Variants in LRR1 observed in about 807,000 individuals in gnomAD.
The protein encoded by LRR1 is leucine-rich repeat protein 1.
In LRR1, 29 loss-of-function variants were observed where a neutral mutation model predicts 31.6. That is an observed-to-expected ratio of 0.92 (90% CI 0.68 to 1.25). The LOEUF is 1.25. Among genes scored for constraint, LRR1 ranks in the 50% most tolerant of loss-of-function variants. LRR1 has a pLI of 0.00. For missense variants in LRR1, 485 were observed against 487.2 expected, an observed-to-expected ratio of 1.00 and a Z score of 0.04; for synonymous variants, 179 against 181.4, an observed-to-expected ratio of 0.99 and a Z score of 0.10.
intron 3 of LRR1, chr14:49,612,411 A>G (rs898265152): frequency 1.8e-6 from 2 of 1,125,950 alleles, no homozygotes; most frequent in African/African-American, 3.3e-5. Flanking sequence ...AATATGTGGG[A>G]ATTTAAGTTA....
At chr14:49,613,203 G>T (rs1882577071) in intron 3 of LRR1, among the ~76,000 whole-genome samples, 1 of 152,090 alleles carries the variant, frequency 6.6e-6, no homozygotes, top group African/African-American at 2.4e-5. Context: ...GCCAGGCGTG[G>T]TGGCGGGCAC....
In LRR1 at chr14:49,598,994, T is replaced by G; in HGVS notation, c.-27T>G. On this transcript the variant is annotated 5_prime_UTR_variant, in exon 1 of 4. Coordinates refer to ENST00000298288, the MANE Select transcript of LRR1 (RefSeq NM_152329.4). ...GGAAGGAGGAAGTTTCAAAGCCAGC[T>G]TGACGTGGTTGTGGCCGTTGGGCGA... The G allele has an allele frequency of 6.3e-7, 1 of 1,588,948 alleles. No individual in the cohort carries two copies. The highest frequency in any genetic ancestry group is 8.6e-7 in the Non-Finnish European group (1 of 1,166,452).
rs1297883794 is a variant in LRR1 at position 49,608,072 on chromosome 14, G to T, written c.955G>T (p.Ala319Ser). 6.2e-7 allele frequency: 1 copy of T among 1,606,558 alleles called. No individual in the cohort carries two copies. Among genetic ancestry groups the T allele is most frequent in the South Asian group, 1.1e-5 (1 of 90,154 alleles). The part of the protein sequence containing the change: ...PKVLPVIKLQ[A>S]PLTLLESSAR... ...AGTCCTTCCAGTAATAAAGCTGCAA[G>T]CACCATTAACTTTATTGGAATCTTC... Residue 319 changes from alanine to serine, a missense_variant, in exon 3 of 4, where the codon GCA becomes TCA. Physicochemically the swap from Ala to Ser is moderately conservative, Grantham distance 99. Around this residue, in one of 3 missense-constraint regions of LRR1, gnomAD observed 210 missense variants for 200.4 expected, o/e 1.05. Transcript: ENST00000298288.
At chr14:49,602,954 G>A (rs1457209404) in intron 2 of LRR1, among the ~76,000 whole-genome samples, 1 of 151,764 alleles carries the variant, frequency 6.6e-6, no homozygotes, top group Non-Finnish European at 1.5e-5. Flanking sequence ...TCCTGCCTCA[G>A]CCTCCCGAGT....
intron 2 of LRR1, chr14:49,603,502 T>A: frequency 2.4e-6 from 1 of 423,672 alleles, no homozygotes; most frequent in Non-Finnish European, 3.4e-6. Context: ...TTATTTACTG[T>A]AATCATTCTT....
intron 1 of LRR1, chr14:49,600,367 T>G: frequency 6.3e-7 from 1 of 1,587,136 alleles, no homozygotes; most frequent in South Asian, 1.1e-5. Context: ...CAGATTGATC[T>G]CCGAGATGAC....
Position 49,607,932 on chromosome 14 carries a change from T to G in LRR1, c.815T>G (p.Ile272Arg). The G allele has an allele frequency of 6.2e-7, 1 of 1,614,088 alleles. No homozygotes were observed. The highest frequency in any genetic ancestry group is 1.3e-5 in the African/African-American group (1 of 75,054). The change falls in exon 3 of 4, where the codon ATA becomes AGA. Residue 272 changes from isoleucine (I) to arginine (R), a missense_variant. By Grantham distance (97) the Ile-to-Arg change is moderately conservative. Around this residue, in one of 3 missense-constraint regions of LRR1, gnomAD observed 210 missense variants for 200.4 expected, o/e 1.05. Coordinates refer to ENST00000298288, the MANE Select transcript of LRR1 (RefSeq NM_152329.4). ...TTTCCTTGCAAGATAGGACAACTAA[T>G]AAACCTTCGCTTTTTGTCAGCAGCT... ...IQFPCKIGQLINLRFLSAARN... is the reference protein window; with the variant it reads ...IQFPCKIGQLRNLRFLSAARN...
At chr14:49,603,504 A>T in intron 2 of LRR1, 3 of 405,716 alleles carry the variant, frequency 7.4e-6, no homozygotes, top group Non-Finnish European at 1.1e-5. Context: ...ATTTACTGTA[A>T]TCATTCTTTC....
chr14:49,605,031 G>A (rs1882230461), intron 2 of LRR1, among the ~76,000 whole-genome samples: 1 of 151,982 alleles, frequency 6.6e-6, no homozygotes, highest in African/African-American at 2.4e-5. Context: ...AAGTAACTGG[G>A]ACTATAGGGG....
At position 49,600,706 on chromosome 14, in the gene LRR1, G is replaced by A. The variant is rs185973679; in HGVS notation, c.183+1503G>A. 8.8e-4 allele frequency: 977 copies of A among 1,104,108 alleles called. 3 individuals are homozygous for A. In the African/African-American group the frequency reaches 0.014, roughly 16 times the overall value. The allele number at this position is 1,104,108 out of a possible 1,614,324, so 68.4% of individuals were successfully genotyped here. ...ACCCAGACCTTTTATAGGTAATGAA[G>A]CAGTTCAAAACTTGAAAGAAAACAA... On this transcript the variant is annotated intron_variant, in intron 1 of 3. Transcript: ENST00000298288.
chr14:49,603,472 A>T, intron 2 of LRR1: 2 of 348,954 alleles, frequency 5.7e-6, no homozygotes, highest in Non-Finnish European at 8.5e-6. Flanking sequence ...GAAAAAATTC[A>T]ATTAGAACCA....
chr14:49,610,162 G>A (rs994205792), intron 3 of LRR1, among the ~76,000 whole-genome samples: 2 of 152,088 alleles, frequency 1.3e-5, no homozygotes, highest in South Asian at 2.1e-4. Flanking sequence ...GTAGGATTCA[G>A]TAGCTGTTGG....
intron 3 of LRR1, among the ~76,000 whole-genome samples, chr14:49,608,868 C>T (rs1469894441): frequency 6.8e-6 from 1 of 146,408 alleles, no homozygotes; most frequent in Non-Finnish European, 1.5e-5. Flanking sequence ...GATTTGATTC[C>T]TGGCTTCACC....
At chr14:49,599,595 T>C (rs563905082) in intron 1 of LRR1, among the ~76,000 whole-genome samples, 22 of 151,628 alleles carry the variant, frequency 1.5e-4, no homozygotes, top group Non-Finnish European at 2.7e-4. Flanking sequence ...GTGAATTCTT[T>C]CTCCCACAAT....
chr14:49,600,188 C>T lies in LRR1; in HGVS notation c.183+985C>T, dbSNP rs1881998850. ...ACCTCCTAGGACTCTATAACACCGCCGGACAGGAAGACTATGACCATCTGA... is the reference window on the plus strand; with the variant it reads ...ACCTCCTAGGACTCTATAACACCGCTGGACAGGAAGACTATGACCATCTGA... On this transcript the variant is annotated intron_variant, in intron 1 of 3. Transcript: ENST00000298288. 9 of 1,473,924 alleles carry T rather than the reference C, an allele frequency of 6.1e-6. 1 individual carries two copies. Among genetic ancestry groups the T allele is most frequent in the African/African-American group, 4.2e-5 (3 of 72,164 alleles). The allele number at this position is 1,473,924 out of a possible 1,614,324, so 91.3% of individuals were successfully genotyped here.
chr14:49,603,583 T>G (rs1189148805), intron 2 of LRR1: 5 of 993,800 alleles, frequency 5.0e-6, no homozygotes, highest in East Asian at 2.0e-4. Context: ...CAGGTTGGAG[T>G]GCAGTGGGAA....
intron 1 of LRR1, chr14:49,600,891 T>C: frequency 3.7e-6 from 5 of 1,334,652 alleles, no homozygotes; most frequent in Non-Finnish European, 5.1e-6. Flanking sequence ...TACAATCACA[T>C]CATGTTGTAA....
chr14:49,601,835 A>AC (rs1882067695), intron 1 of LRR1, among the ~76,000 whole-genome samples: 1 of 151,836 alleles, frequency 6.6e-6, no homozygotes, highest in South Asian at 2.1e-4. Flanking sequence ...AAAAAAAAAA[A>AC]AAAACTTTAA....
rs532405488 is a variant in LRR1 at position 49,600,231 on chromosome 14, A to G, written c.183+1028A>G. 78 of 1,482,372 alleles carry G rather than the reference A, an allele frequency of 5.3e-5. No individual in the cohort carries two copies. In the East Asian group the frequency reaches 7.7e-4, roughly 15 times the overall value. 91.8% of individuals were successfully genotyped at this position (1,482,372 alleles called of 1,614,324 possible). A position where few individuals can be genotyped will look rare whatever the true frequency, so the allele number is the denominator to read the frequency against. On this transcript the variant is annotated intron_variant, in intron 1 of 3. Transcript: ENST00000298288. ...CCATCTGAGGCCTTTATCTTACCCA[A>G]TGACCGACGTCTTCCTTATATGCTT...
Sources: allele counts gnomAD v4.1 joint callset (sites outside exome capture counted in the v4.1 genomes callset), GRCh38; gene constraint gnomAD v4.1.1; regional missense constraint gnomAD v4.1.1; transcripts MANE v1.5; gene names NCBI Gene and HGNC (gene_info 2026-07-23, HGNC 2026-07-21).